The following CNIH3 variants were observed in gnomAD, a reference collection of about 807,000 sequenced individuals.
CNIH3 encodes cornichon family AMPA receptor auxiliary protein 3.
In CNIH3, 14 loss-of-function variants were observed where a neutral mutation model predicts 24.1. That is an observed-to-expected ratio of 0.58 (90% CI 0.38 to 0.91). CNIH3 has a LOEUF of 0.91. Ranked by LOEUF, CNIH3 falls within the 40% of genes least tolerant of loss-of-function variation. The pLI is 0.00. For synonymous variants in CNIH3, 68 were observed against 73.8 expected (o/e 0.92, Z 0.40); for missense variants, 178 against 196.8 (o/e 0.90, Z 0.57).
chr1:224,464,622 T>C (rs1226715303), intron 1 of CNIH3, among the ~76,000 whole-genome samples: 2 of 152,242 alleles, frequency 1.3e-5, no homozygotes, highest in African/African-American at 4.8e-5. Flanking sequence ...TGTAAAAAAT[T>C]AGTTCTCCAT....
intron 1 of CNIH3, among the ~76,000 whole-genome samples, chr1:224,445,518 A>G (rs576589172): frequency 6.9e-6 from 1 of 145,428 alleles, no homozygotes; most frequent in South Asian, 2.2e-4. Context: ...GGAGGTTGCA[A>G]TGAGCTGAGA....
At chr1:224,707,895 C>T (rs1687910779) in intron 3 of CNIH3, among the ~76,000 whole-genome samples, 2 of 152,146 alleles carry the variant, frequency 1.3e-5, no homozygotes, top group Admixed American at 6.5e-5. Flanking sequence ...ATACCTTTCC[C>T]ACCTCATCAG....
At chr1:224,540,615 A>G (rs912959995), downstream of CNIH3, among the ~76,000 whole-genome samples, 1 of 152,236 alleles carries the variant, frequency 6.6e-6, no homozygotes, top group Non-Finnish European at 1.5e-5. Flanking sequence ...ATTAATAAAT[A>G]TATTTAGAAA....
At position 224,468,937 on chromosome 1, in the gene CNIH3, T is replaced by C. The variant is rs575458962; in HGVS notation, n.203+34075T>C. Among the ~76,000 whole-genome samples, 10 of 152,282 alleles carry C rather than the reference T, an allele frequency of 6.6e-5. No homozygotes were observed. The East Asian group carries it at 1.9e-3, about 29-fold the overall frequency. ...AATTATGCTGTTACCTGTAGTTTTT[T>C]GGTAGATGCTCTCTATCAAGTTGAG... On this transcript the variant is annotated intron_variant and non_coding_transcript_variant, in intron 1 of 5. Transcript: ENST00000471578.
intron 3 of CNIH3, among the ~76,000 whole-genome samples, chr1:224,564,873 G>T (rs1260746270): frequency 6.6e-6 from 1 of 152,184 alleles, no homozygotes; most frequent in Non-Finnish European, 1.5e-5. Flanking sequence ...CAGCTCAATT[G>T]GCTCCTGACA....
chr1:224,663,175 T>G (rs368771196), intron 1 of CNIH3, among the ~76,000 whole-genome samples: 2 of 152,274 alleles, frequency 1.3e-5, no homozygotes, highest in South Asian at 4.2e-4. Context: ...TGAATCCAAC[T>G]GTAAGACAGT....
chr1:224,480,776 A>T (rs1284611555), intron 1 of CNIH3, among the ~76,000 whole-genome samples: 1 of 152,218 alleles, frequency 6.6e-6, no homozygotes, highest in Non-Finnish European at 1.5e-5. Flanking sequence ...CCATATCACT[A>T]TTAGGCTTTT....
At chr1:224,739,241 C>A in intron 5 of CNIH3, 88 bp from the exon 6 acceptor site, 1 of 1,546,658 alleles carries the variant, frequency 6.5e-7, no homozygotes, top group South Asian at 1.2e-5. Flanking sequence ...TGGAAGGTCC[C>A]TCTCCTGAGG....
At chr1:224,697,327 G>A (rs1048977354) in intron 3 of CNIH3, among the ~76,000 whole-genome samples, 8 of 152,200 alleles carry the variant, frequency 5.3e-5, no homozygotes, top group African/African-American at 1.9e-4. Context: ...TTTCTGAAGT[G>A]CAGCTTGGCA....
chr1:224,636,068 G>A (rs1394542520), intron 1 of CNIH3, among the ~76,000 whole-genome samples: 1 of 152,144 alleles, frequency 6.6e-6, no homozygotes, highest in Non-Finnish European at 1.5e-5. Flanking sequence ...AATACAGCAA[G>A]CCAAAACCCA....
At chr1:224,621,701 C>A (rs753333245) in intron 1 of CNIH3, among the ~76,000 whole-genome samples, 1 of 152,178 alleles carries the variant, frequency 6.6e-6, no homozygotes, top group Non-Finnish European at 1.5e-5. Context: ...CTCCAGAGCC[C>A]AGAACAGTGC....
chr1:224,726,337 T>C (rs1689021807), intron 3 of CNIH3, among the ~76,000 whole-genome samples: 1 of 152,186 alleles, frequency 6.6e-6, no homozygotes, highest in South Asian at 2.1e-4. Context: ...AAGTTGGAAA[T>C]TTAGGAGATA....
intron 5 of CNIH3, among the ~76,000 whole-genome samples, chr1:224,736,744 C>G (rs1042862727): frequency 1.3e-5 from 2 of 152,166 alleles, no homozygotes. Flanking sequence ...TTGAAGCCTC[C>G]GGAGATTTCT....
chr1:224,532,537 G>C (rs1488757494), intron 2 of CNIH3, among the ~76,000 whole-genome samples: 1 of 152,208 alleles, frequency 6.6e-6, no homozygotes, highest in Non-Finnish European at 1.5e-5. Flanking sequence ...GGTGGTACTG[G>C]AAGTGGGCAG....
intron 1 of CNIH3, among the ~76,000 whole-genome samples, chr1:224,445,574 TA>T (rs369951294): frequency 9.4e-4 from 85 of 90,408 alleles, no homozygotes; most frequent in Admixed American, 4.5e-3. Flanking sequence ...GGACTCTGCT[TA>T]AAAAAAAAAA....
intron 4 of CNIH3, among the ~76,000 whole-genome samples, chr1:224,575,759 A>T (rs1205370939): frequency 6.6e-6 from 1 of 152,172 alleles, no homozygotes; most frequent in East Asian, 1.9e-4. Context: ...GTGGAAAAAA[A>T]AAAACTCACT....
At chr1:224,564,847 G>A (rs768313028) in intron 3 of CNIH3, among the ~76,000 whole-genome samples, 1 of 152,208 alleles carries the variant, frequency 6.6e-6, no homozygotes, top group South Asian at 2.1e-4. Flanking sequence ...AATGTGTAAC[G>A]ATACCTGGAT....
chr1:224,695,650 C>A (rs1231413936), intron 3 of CNIH3, among the ~76,000 whole-genome samples: 1 of 152,196 alleles, frequency 6.6e-6, no homozygotes, highest in Non-Finnish European at 1.5e-5. Flanking sequence ...TCCTCACATT[C>A]ATAGGAGTCC....
intron 4 of CNIH3, among the ~76,000 whole-genome samples, chr1:224,568,344 G>A (rs1680674348): frequency 6.6e-6 from 1 of 152,050 alleles, no homozygotes; most frequent in Admixed American, 6.6e-5. Flanking sequence ...CTTAGAAGAA[G>A]AATGGGCACC....
Sources: gnomAD v4.1 joint callset for allele counts (sites outside exome capture counted in the v4.1 genomes callset) on GRCh38, gnomAD v4.1.1 for gene constraint, MANE v1.5 for transcripts, NCBI Gene and HGNC (gene_info 2026-07-23, HGNC 2026-07-21) for gene names.